The following MAPK8IP3 variants were observed in gnomAD, a reference collection of about 807,000 sequenced individuals.
MAPK8IP3 encodes C-Jun-amino-terminal kinase-interacting protein 3.
MAPK8IP3 carries 49 observed loss-of-function variants against 157.8 expected under a neutral mutation model. That is an observed-to-expected ratio of 0.31 (90% confidence interval 0.25 to 0.39). MAPK8IP3 has a LOEUF of 0.39. Among genes scored for constraint, MAPK8IP3 ranks in the 10% least tolerant of loss-of-function variants. The pLI is 1.00. For missense variants in MAPK8IP3, 1,478 were observed against 1,889.4 expected (o/e 0.78, Z 4.04); for synonymous variants, 897 against 777.7 (o/e 1.15, Z -2.55).
chr16:1,747,135 C>T lies in MAPK8IP3; in HGVS notation c.854C>T (p.Ala285Val), dbSNP rs866078816. 6.2e-7 allele frequency: 1 copy of T among 1,613,986 alleles called. No individual in the cohort carries two copies. Among genetic ancestry groups the T allele is most frequent in the African/African-American group, 1.3e-5 (1 of 75,060 alleles). ...NTPTSSVPSA[A>V]VTPLNESLQP... is the part of the protein sequence containing the mutation. The stretch of plus-strand genomic sequence containing the variant: ...CCCACATCCTCCGTGCCCTCGGCCG[C>T]CGTCACACCCCTCAACGAGAGCCTG... The change falls in exon 6 of 32, where the codon GCC (alanine) becomes GTC (valine). Residue 285 changes from alanine to valine, a missense_variant. Ala to Val is a moderately conservative substitution (Grantham distance 64). Transcript: ENST00000610761.
intron 4 of MAPK8IP3, among the ~76,000 whole-genome samples, chr16:1,737,487 CGT>C (rs1203976855): frequency 2.4e-5 from 2 of 82,480 alleles, no homozygotes; most frequent in African/African-American, 9.9e-5. Context: ...TGTGACCGTC[CGT>C]GTGAGCGTCC....
At chr16:1,759,820 C>G (rs936074565) in intron 10 of MAPK8IP3, 138 bp from the exon 11 acceptor site, 2 of 737,282 alleles carry the variant, frequency 2.7e-6, no homozygotes, top group African/African-American at 3.4e-5. Flanking sequence ...CCCTTCACGG[C>G]CCCCGCTCCC....
At chr16:1,762,502 A>G (rs763631920) in intron 14 of MAPK8IP3, 21 bp downstream of exon 14, 12 of 1,611,366 alleles carry the variant, frequency 7.4e-6, no homozygotes, top group Non-Finnish European at 1.0e-5. Context: ...CGGCCACCCC[A>G]GGAGGGGCTG....
chr16:1,763,656 G>C lies in MAPK8IP3; in HGVS notation c.1899-1G>C. 1 of 1,563,946 alleles carries C rather than the reference G, an allele frequency of 6.4e-7. No individual in the cohort carries two copies. The highest frequency in any genetic ancestry group is 8.7e-7 in the Non-Finnish European group (1 of 1,151,640). ...ACATCACCCATCATTCTTCCACTCA[G>C]CGACTGCACGTCCTCCGCCCGTCGA... On this transcript the variant is annotated splice_acceptor_variant, in intron 16 of 31. Transcript: ENST00000610761. LOFTEE classifies it high-confidence loss of function.
intron 1 of MAPK8IP3, among the ~76,000 whole-genome samples, chr16:1,714,740 G>A (rs1291934689): frequency 6.6e-6 from 1 of 152,126 alleles, no homozygotes; most frequent in Non-Finnish European, 1.5e-5. Context: ...CCTCGGGTTA[G>A]AGCATTCATG....
chr16:1,770,288 T>C lies in MAPK8IP3; in HGVS notation c.*1464T>C. 1 of 219,474 alleles carries C rather than the reference T, an allele frequency of 4.6e-6. No homozygotes were observed. Among genetic ancestry groups the C allele is most frequent in the Non-Finnish European group, 9.0e-6 (1 of 111,476 alleles). The allele number at this position is 219,474 out of a possible 1,614,324, so 13.6% of individuals were successfully genotyped here. On this transcript the variant is annotated 3_prime_UTR_variant, in exon 32 of 32. Transcript: ENST00000610761. ...CCTGCAAGCAAACCCACATATCTGCTCTGTATGTAATAAATGTCTTAACGT... is the reference window on the plus strand; with the variant it reads ...CCTGCAAGCAAACCCACATATCTGCCCTGTATGTAATAAATGTCTTAACGT...
At chr16:1,739,578 G>T (rs1162704318) in intron 4 of MAPK8IP3, among the ~76,000 whole-genome samples, 1 of 137,006 alleles carries the variant, frequency 7.3e-6, no homozygotes, top group Non-Finnish European at 1.6e-5. Context: ...GTGTGTGTGT[G>T]ACCGTCCGTG....
intron 4 of MAPK8IP3, chr16:1,734,854 C>T (rs1054469159): frequency 6.5e-6 from 1 of 154,530 alleles, no homozygotes; most frequent in Non-Finnish European, 1.5e-5. Flanking sequence ...TGGACATTTT[C>T]CTTCACGCCT....
chr16:1,709,373 C>T (rs2142261242), intron 1 of MAPK8IP3, among the ~76,000 whole-genome samples: 1 of 152,354 alleles, frequency 6.6e-6, no homozygotes, highest in South Asian at 2.1e-4. Context: ...GGTCCATCCT[C>T]TTCCCCTCGC....
chr16:1,722,925 TCTC>T (rs1042539986), intron 1 of MAPK8IP3, among the ~76,000 whole-genome samples: 1 of 151,776 alleles, frequency 6.6e-6, no homozygotes, highest in African/African-American at 2.4e-5. Context: ...ATGGACTCGA[TCTC>T]CTGACCTCGT....
intron 7 of MAPK8IP3, 115 bp downstream of exon 7, chr16:1,748,461 C>G (rs763882477): frequency 4.4e-6 from 5 of 1,143,926 alleles, no homozygotes; most frequent in Non-Finnish European, 6.5e-6. Flanking sequence ...CTGTGGCCTA[C>G]CGCCTCCATC....
Position 1,724,562 on chromosome 16 carries a change from C to T in MAPK8IP3, c.324C>T (p.Phe108=). 6.2e-7 allele frequency: 1 copy of T among 1,613,214 alleles called. No homozygotes were observed. Among genetic ancestry groups the T allele is most frequent in the Non-Finnish European group, 8.5e-7 (1 of 1,179,878 alleles). ...TCCCTCCCTTCCATGCACAGAAATT[C>T]ATTGAGTTTGAAGATGCTCTGGAAC... ...KALRRQAEEK[F]IEFEDALEQE... is the part of the protein sequence containing the mutation. Residue 108 remains phenylalanine (F), a synonymous_variant, in exon 2 of 32, where the codon TTC becomes TTT. Coordinates refer to ENST00000610761, the MANE Select transcript of MAPK8IP3 (RefSeq NM_001318852.2). This position sits in a 1 kb window ranked among gnomAD's most constrained non-coding sequence, Gnocchi z 4.1.
At chr16:1,761,045 G>A (rs2041904124) in intron 12 of MAPK8IP3, among the ~76,000 whole-genome samples, 179 bp from the exon 13 acceptor site, 2 of 152,248 alleles carry the variant, frequency 1.3e-5, no homozygotes, top group Non-Finnish European at 2.9e-5. Context: ...CTGTCCCCAG[G>A]GAACTGGAAG....
intron 1 of MAPK8IP3, among the ~76,000 whole-genome samples, chr16:1,709,609 T>C (rs1173194106): frequency 6.6e-6 from 1 of 152,260 alleles, no homozygotes; most frequent in Non-Finnish European, 1.5e-5. Flanking sequence ...ACAAAGTTTT[T>C]TAAAACCCTC....
chr16:1,737,082 G>A (rs1178335398), intron 4 of MAPK8IP3, among the ~76,000 whole-genome samples: 11 of 83,486 alleles, frequency 1.3e-4, no homozygotes, highest in Admixed American at 1.4e-4. Context: ...GCGTGTGACC[G>A]TCCGTGTGAG....
chr16:1,767,854 C>T lies in MAPK8IP3; in HGVS notation c.3459C>T (p.Val1153=), dbSNP rs118038816. The change falls in exon 28 of 32, where the codon GTC becomes GTT. Residue 1153 remains valine (V), a synonymous_variant. Coordinates refer to ENST00000610761, the MANE Select transcript of MAPK8IP3 (RefSeq NM_001318852.2). ...FSFVRITALL[V]AGSRLWVGTG... is the part of the protein sequence containing the mutation. Reference sequence around the variant, plus strand: ...TCGTACGCATCACGGCCCTGCTTGTCGCGGGCAGCCGGCTCTGGGTGGGCA... The same window carrying T: ...TCGTACGCATCACGGCCCTGCTTGTTGCGGGCAGCCGGCTCTGGGTGGGCA... The T allele has an allele frequency of 3.9e-3, 6,349 of 1,611,408 alleles. 49 individuals carry two copies. Among genetic ancestry groups the T allele is most frequent in the African/African-American group, 0.016 (1,195 of 75,018 alleles).
intron 1 of MAPK8IP3, among the ~76,000 whole-genome samples, chr16:1,717,251 A>AAAG (rs2038215881): frequency 1.4e-5 from 2 of 147,850 alleles, no homozygotes; most frequent in African/African-American, 2.6e-5. Flanking sequence ...AAAAAAAAAA[A>AAAG]AAAGAAAGAA....
intron 1 of MAPK8IP3, among the ~76,000 whole-genome samples, chr16:1,711,963 A>G (rs959944776): frequency 2.3e-4 from 34 of 150,988 alleles, no homozygotes. Flanking sequence ...AAAAAGAAAA[A>G]AAAAGAAAAC....
rs780675724 is a variant in MAPK8IP3 at position 1,762,933 on chromosome 16, T to C, written c.1825T>C (p.Phe609Leu). Residue 609 changes from phenylalanine to leucine, a missense_variant, in exon 16 of 32, where the codon TTC becomes CTC. Phe to Leu is a conservative substitution (Grantham distance 22, BLOSUM62 0). Transcript: ENST00000610761. ...IHYKSPTTAG[F>L]SQRRNHAMCP... is the part of the protein sequence containing the mutation. Reference sequence around the variant, plus strand: ...CTACAAGTCACCCACCACTGCCGGCTTCAGCCAGCGCCGCAACCATGCCAT... The same window carrying C: ...CTACAAGTCACCCACCACTGCCGGCCTCAGCCAGCGCCGCAACCATGCCAT... The C allele has an allele frequency of 6.2e-7, 1 of 1,612,952 alleles. No homozygotes were observed. Among genetic ancestry groups the C allele is most frequent in the South Asian group, 1.1e-5 (1 of 91,078 alleles).
Sources: allele counts gnomAD v4.1 joint callset (sites outside exome capture counted in the v4.1 genomes callset), GRCh38; gene constraint gnomAD v4.1.1; non-coding constraint Gnocchi (gnomAD v3.1); transcripts MANE v1.5; gene names NCBI Gene and HGNC (gene_info 2026-07-23, HGNC 2026-07-21).